The following RHCE variants were observed in gnomAD, a reference collection of about 807,000 sequenced individuals.
RHCE encodes the protein Rh blood group CcEe antigens.
RHCE carries 22 observed loss-of-function variants against 43.8 expected under a neutral mutation model. The ratio of observed to expected loss-of-function variants is 0.50; its 90% CI spans 0.36 to 0.72. The LOEUF (loss-of-function observed/expected upper bound fraction) is 0.72, where lower values mean the gene tolerates loss of function less well. Among genes scored for constraint, RHCE ranks in the 30% least tolerant of loss-of-function variants. The pLI, the probability that RHCE is intolerant of heterozygous loss-of-function variation, is 0.00. For synonymous variants in RHCE, 156 were observed against 210.7 expected, an observed-to-expected ratio of 0.74 and a Z score of 2.25; for missense variants, 385 against 525.4, an observed-to-expected ratio of 0.73 and a Z score of 2.61.
At chr1:25,379,487 ATATATATATTTTTTTTTTTTTTTT>A (rs1645919174) in intron 7 of RHCE, among the ~76,000 whole-genome samples, 1 of 20,970 alleles carries the variant, frequency 4.8e-5, no homozygotes, top group African/African-American at 3.4e-4. Context: ...ATATATATAT[ATATATATATTTTTTTTTTTTTTTT>A]TTTTTTTTTT....
At chr1:25,385,673 G>T in intron 7 of RHCE, 38 bp downstream of exon 7, 2 of 1,613,916 alleles carry the variant, frequency 1.2e-6, no homozygotes, top group Non-Finnish European at 1.7e-6. Context: ...AGTTGGAGGG[G>T]AGTGTTAAGG....
At chr1:25,427,534 C>G (rs909832) in intron 2 of RHCE, among the ~76,000 whole-genome samples, 44,104 of 152,220 alleles carry the variant, frequency 0.29, 8,464 homozygotes, top group Non-Finnish European at 0.43. Flanking sequence ...AGGAAAAAGG[C>G]TGGCACTTGG....
chr1:25,389,320 G>A (rs956944512), intron 5 of RHCE, among the ~76,000 whole-genome samples: 130 of 152,032 alleles, frequency 8.6e-4, no homozygotes, highest in Non-Finnish European at 1.4e-3. Flanking sequence ...CTTAGGCTCA[G>A]GGCACAGTTA....
chr1:25,427,288 C>T (rs2042811565), intron 2 of RHCE, among the ~76,000 whole-genome samples: 1 of 152,190 alleles, frequency 6.6e-6, no homozygotes, highest in Non-Finnish European at 1.5e-5. Flanking sequence ...AGCTGAAGCC[C>T]AAGTGCAAAT....
Position 25,384,803 on chromosome 1 carries a change from A to G in RHCE, c.1073+908T>C, listed in dbSNP as rs1220694061. ...GTTCCAGCCGGGTGACCTTGGGCAG[A>G]TAACTTCTCTTAAATCTCATTTCTT... On this transcript the variant is annotated intron_variant, in intron 7 of 9. Transcript: ENST00000294413. Among the ~76,000 whole-genome samples the G allele has an allele frequency of 5.9e-5, 9 of 152,214 alleles. 1 individual carries two copies. In the South Asian group the frequency reaches 1.2e-3, roughly 21 times the overall value.
chr1:25,411,320 T>A, intron 1 of RHCE: 1 of 1,550,126 alleles, frequency 6.5e-7, no homozygotes, highest in Non-Finnish European at 8.7e-7. Flanking sequence ...ATCATGACAA[T>A]CACAGCAATA....
intron 1 of RHCE, chr1:25,419,838 G>A (rs373990085): frequency 7.1e-6 from 1 of 140,508 alleles, no homozygotes; most frequent in Non-Finnish European, 1.5e-5. Flanking sequence ...GGGTGGGGGT[G>A]GGGGGTAGCA....
chr1:25,385,914 A>G (rs1341156585), intron 6 of RHCE, 70 bp from the exon 7 acceptor site: 14 of 1,611,592 alleles, frequency 8.7e-6, no homozygotes, highest in Non-Finnish European at 1.2e-5. Flanking sequence ...CCTTTCACAC[A>G]CCCTTGGTAT....
chr1:25,406,250 C>CGT (rs35366666), intron 2 of RHCE, among the ~76,000 whole-genome samples: 2 of 117,030 alleles, frequency 1.7e-5, no homozygotes, highest in Non-Finnish European at 3.8e-5. Context: ...TGCGTGCGTG[C>CGT]GTGTGTGTGT....
At chr1:25,371,981 G>A (rs1238266568) in intron 8 of RHCE, among the ~76,000 whole-genome samples, 4 of 151,322 alleles carry the variant, frequency 2.6e-5, no homozygotes, top group Non-Finnish European at 5.9e-5. Context: ...AATGATCTCT[G>A]GCGCCTGCAT....
At chr1:25,384,102 G>A (rs1440592997) in intron 7 of RHCE, among the ~76,000 whole-genome samples, 4 of 150,700 alleles carry the variant, frequency 2.7e-5, no homozygotes, top group East Asian at 1.9e-4. Context: ...GGGTGGGGCC[G>A]TAGGTAGGGC....
intron 3 of RHCE, among the ~76,000 whole-genome samples, chr1:25,397,314 T>G (rs1378135169): frequency 6.7e-6 from 1 of 149,484 alleles, no homozygotes; most frequent in East Asian, 2.0e-4. Context: ...CTGGCCAACA[T>G]GGCAAAACTC....
At chr1:25,402,981 TCTGTGCC>T (rs1646805922) in intron 2 of RHCE, among the ~76,000 whole-genome samples, 1 of 151,600 alleles carries the variant, frequency 6.6e-6, no homozygotes, top group Admixed American at 6.6e-5. Context: ...ACTTAACCAC[TCTGTGCC>T]TCAGTGCCTT....
chr1:25,398,291 C>G (rs1307169965), intron 3 of RHCE, among the ~76,000 whole-genome samples: 1 of 117,178 alleles, frequency 8.5e-6, no homozygotes, highest in East Asian at 2.0e-4. Context: ...TCTGGTCTCC[C>G]TTGGGCTTTG....
At chr1:25,411,556 A>T (rs1647079197) in intron 1 of RHCE, 2 of 1,230,854 alleles carry the variant, frequency 1.6e-6, no homozygotes, top group African/African-American at 3.1e-5. Context: ...ACCCCCAAGG[A>T]CCTCCACGGG....
At chr1:25,422,582 G>A (rs1472491478), upstream of RHCE, among the ~76,000 whole-genome samples, 1 of 152,206 alleles carries the variant, frequency 6.6e-6, no homozygotes, top group African/African-American at 2.4e-5. Context: ...TTACAAATGA[G>A]TAAACTGAGG....
At chr1:25,373,655 C>G (rs1214742355) in intron 8 of RHCE, among the ~76,000 whole-genome samples, 3 of 151,592 alleles carry the variant, frequency 2.0e-5, no homozygotes, top group Non-Finnish European at 4.4e-5. Flanking sequence ...GAGAAGCTAA[C>G]CAAGGCTCAG....
At chr1:25,396,849 C>G (rs2124452067) in intron 3 of RHCE, among the ~76,000 whole-genome samples, 1 of 152,018 alleles carries the variant, frequency 6.6e-6, no homozygotes, top group Non-Finnish European at 1.5e-5. Context: ...TATGGTGGCC[C>G]ACGCCTGTAA....
intron 1 of RHCE, among the ~76,000 whole-genome samples, chr1:25,418,392 T>C (rs1464372517): frequency 2.0e-5 from 3 of 150,736 alleles, no homozygotes; most frequent in Non-Finnish European, 3.0e-5. Flanking sequence ...GATGAAGTCT[T>C]GCTCTGTCGC....
Sources: gnomAD v4.1 joint callset for allele counts (sites outside exome capture counted in the v4.1 genomes callset) on GRCh38, gnomAD v4.1.1 for gene constraint, MANE v1.5 for transcripts, NCBI Gene and HGNC (gene_info 2026-07-23, HGNC 2026-07-21) for gene names.